The following ARMH1 variants were observed in gnomAD, a reference collection of about 807,000 sequenced individuals.
The protein encoded by ARMH1 is armadillo like helical domain containing 1.
ARMH1 carries 34 observed loss-of-function variants against 50.2 expected under a neutral mutation model. The observed-to-expected ratio is 0.68, with a 90% CI of 0.51 to 0.90. ARMH1 has a LOEUF of 0.90. Among genes scored for constraint, ARMH1 ranks in the 40% least tolerant of loss-of-function variants. The pLI is 0.00. For missense variants in ARMH1, 538 were observed against 553.9 expected (o/e 0.97, Z 0.29); for synonymous variants, 221 against 224.2 (o/e 0.99, Z 0.13).
At chr1:44,721,564 T>A (rs1424704194) in intron 6 of ARMH1, among the ~76,000 whole-genome samples, 1 of 151,812 alleles carries the variant, frequency 6.6e-6, no homozygotes, top group Non-Finnish European at 1.5e-5. Context: ...TACAAGAAGC[T>A]AAAAAAACAT....
intron 5 of ARMH1, 60 bp from the exon 6 acceptor site, chr1:44,704,029 A>T: frequency 1.4e-6 from 2 of 1,410,576 alleles, no homozygotes; most frequent in Non-Finnish European, 9.7e-7. Context: ...CCCGGCCGGG[A>T]ATCCATCTTT....
intron 6 of ARMH1, chr1:44,721,656 G>A (rs1044680591): frequency 2.0e-5 from 3 of 152,110 alleles, no homozygotes; most frequent in East Asian, 3.9e-4. Flanking sequence ...TTGAGCATGG[G>A]AGATGGAGGT....
At chr1:44,691,961 G>A (rs1369431283) in intron 2 of ARMH1, among the ~76,000 whole-genome samples, 3 of 152,204 alleles carry the variant, frequency 2.0e-5, no homozygotes, top group South Asian at 4.1e-4. Flanking sequence ...TCTGGTCACC[G>A]TCAAGGTGAT....
At chr1:44,687,671 C>T (rs1440043453) in intron 1 of ARMH1, among the ~76,000 whole-genome samples, 2 of 152,170 alleles carry the variant, frequency 1.3e-5, no homozygotes, top group African/African-American at 2.4e-5. Context: ...ACTCCTCCAG[C>T]GCCCTGCAGC....
chr1:44,708,157 G>A (rs1380365186), intron 6 of ARMH1, among the ~76,000 whole-genome samples: 2 of 152,224 alleles, frequency 1.3e-5, no homozygotes, highest in South Asian at 2.1e-4. Flanking sequence ...CTGAAACTCC[G>A]CCCGAGGGAG....
chr1:44,704,567 A>G (rs1319121230), intron 6 of ARMH1, among the ~76,000 whole-genome samples: 2 of 151,204 alleles, frequency 1.3e-5, no homozygotes, highest in African/African-American at 4.9e-5. Flanking sequence ...GCTGGAGTGC[A>G]GTGGTACCAT....
chr1:44,701,824 G>T (rs1344043033), intron 5 of ARMH1, among the ~76,000 whole-genome samples: 3 of 151,948 alleles, frequency 2.0e-5, no homozygotes, highest in Non-Finnish European at 4.4e-5. Context: ...AGCTACTTGG[G>T]AGGCTGAGTT....
chr1:44,695,382 G>GGCCCCAACATTGTA (rs1553142311), intron 2 of ARMH1, among the ~76,000 whole-genome samples: 1 of 152,192 alleles, frequency 6.6e-6, no homozygotes, highest in Non-Finnish European at 1.5e-5. Flanking sequence ...CTGATCTTGT[G>GGCCCCAACATTGTA]GCCCCAACAT....
At chr1:44,705,048 G>A (rs1469805870) in intron 6 of ARMH1, among the ~76,000 whole-genome samples, 2 of 146,650 alleles carry the variant, frequency 1.4e-5, no homozygotes, top group East Asian at 4.2e-4. Context: ...CGTTAGCCAG[G>A]ATGGTCTCGA....
Position 44,725,513 on chromosome 1 carries a change from G to C in ARMH1, c.*110G>C. On this transcript the variant is annotated 3_prime_UTR_variant, in exon 12 of 12. Transcript: ENST00000535358. ...CCACTCCACTTGGCTCCAGGGGGGA[G>C]ACGGGGATTAGGCATCCCAGAGGGG... The C allele has an allele frequency of 9.0e-7, 1 of 1,114,674 alleles. No individual in the cohort carries two copies. 69.0% of individuals were successfully genotyped at this position (1,114,674 alleles called of 1,614,324 possible).
At chr1:44,675,791 C>A (rs1645119118) in intron 1 of ARMH1, among the ~76,000 whole-genome samples, 1 of 152,110 alleles carries the variant, frequency 6.6e-6, no homozygotes, top group Admixed American at 6.5e-5. Context: ...GAAACCCCAT[C>A]TCTACTAAAA....
chr1:44,715,889 A>G (rs1350513540), intron 6 of ARMH1, among the ~76,000 whole-genome samples: 1 of 152,192 alleles, frequency 6.6e-6, no homozygotes, highest in Admixed American at 6.5e-5. Context: ...CTGCTGTTTC[A>G]TCAGCACCAG....
intron 6 of ARMH1, among the ~76,000 whole-genome samples, chr1:44,721,096 G>A (rs926984903): frequency 6.6e-6 from 1 of 152,000 alleles, no homozygotes; most frequent in African/African-American, 2.4e-5. Context: ...TTCTGCTCTC[G>A]GTGGGAAGTC....
intron 6 of ARMH1, chr1:44,721,649 A>G (rs975387927): frequency 2.6e-5 from 4 of 152,166 alleles, no homozygotes; most frequent in Non-Finnish European, 5.9e-5. Flanking sequence ...GGATTGCTTG[A>G]GCATGGGAGA....
At chr1:44,715,827 T>G (rs1646826415) in intron 6 of ARMH1, among the ~76,000 whole-genome samples, 1 of 152,230 alleles carries the variant, frequency 6.6e-6, no homozygotes, top group African/African-American at 2.4e-5. Flanking sequence ...CCTCCCAAAG[T>G]GCTGGGATTA....
chr1:44,688,890 T>A (rs72899527), intron 1 of ARMH1, among the ~76,000 whole-genome samples: 46,453 of 151,940 alleles, frequency 0.31, 8,016 homozygotes, highest in Middle Eastern at 0.41. Flanking sequence ...AACTTTTTTT[T>A]AAGTTGTTTT....
chr1:44,724,201 G>A lies in ARMH1; in HGVS notation c.804G>A (p.Pro268=), dbSNP rs1282699169. 5 of 1,551,708 alleles carry A rather than the reference G, an allele frequency of 3.2e-6. No individual in the cohort carries two copies. In the East Asian group the frequency reaches 1.2e-4, roughly 38 times the overall value. The change falls in exon 7 of 12, where the codon CCG becomes CCA. Residue 268 remains proline, a synonymous_variant. Transcript: ENST00000535358. The surrounding 1 kb of genome is among the most constrained non-coding windows in gnomAD (Gnocchi z 6.4). The part of the protein sequence containing the change: ...LLKGLVALLI[P]SVKEISKLQA... ...AGGGCCTCGTGGCGCTGCTGATACC[G>A]TCGGTCAAGGAGATCTCCAAACTGC...
At position 44,686,891 on chromosome 1, in the gene ARMH1, T is replaced by G. The variant is rs188060846; in HGVS notation, c.-22-2785T>G. On this transcript the variant is annotated intron_variant, in intron 1 of 11. Coordinates refer to ENST00000535358, the MANE Select transcript of ARMH1 (RefSeq NM_001145636.2). ...AGGAGTTTAAGGCTGCAGTTTACTATGATCGTACCTGTGAATAGCCACTGC... is the reference window on the plus strand; with the variant it reads ...AGGAGTTTAAGGCTGCAGTTTACTAGGATCGTACCTGTGAATAGCCACTGC... Among the ~76,000 whole-genome samples the G allele has an allele frequency of 1.7e-3, 258 of 150,844 alleles. 3 individuals carry two copies. The highest frequency in any genetic ancestry group is 0.017 in the Admixed American group (249 of 15,082).
chr1:44,708,028 A>T (rs558066567), intron 6 of ARMH1, among the ~76,000 whole-genome samples: 1 of 152,234 alleles, frequency 6.6e-6, no homozygotes, highest in South Asian at 2.1e-4. Context: ...TAGTCTTCCT[A>T]TAACTCCAAA....
Sources: allele counts gnomAD v4.1 joint callset (sites outside exome capture counted in the v4.1 genomes callset), GRCh38; gene constraint gnomAD v4.1.1; non-coding constraint Gnocchi (gnomAD v3.1); transcripts MANE v1.5; gene names NCBI Gene and HGNC (gene_info 2026-07-23, HGNC 2026-07-21).